Variants in FOXK1 observed in about 807,000 individuals in gnomAD.
FOXK1 encodes the protein forkhead box protein K1.
FOXK1 carries 19 observed loss-of-function variants against 51.9 expected under a neutral mutation model. That is an observed-to-expected ratio of 0.37 (90% CI 0.26 to 0.54). The LOEUF (loss-of-function observed/expected upper bound fraction) is 0.54, where lower values mean the gene tolerates loss of function less well. Among genes scored for constraint, FOXK1 ranks in the 20% least tolerant of loss-of-function variants. The pLI is 0.87. For missense variants in FOXK1, 870 were observed against 1,032.7 expected (o/e 0.84, Z 2.16); for synonymous variants, 537 against 482.6 (o/e 1.11, Z -1.48).
chr7:4,702,075 A>C (rs1051331362), intron 1 of FOXK1, among the ~76,000 whole-genome samples: 2 of 151,868 alleles, frequency 1.3e-5, no homozygotes, highest in Non-Finnish European at 1.5e-5. Context: ...ACCCTGTCTC[A>C]AAAAAAACCC....
chr7:4,746,282 TTTA>T (rs1780701063), intron 2 of FOXK1, among the ~76,000 whole-genome samples: 1 of 152,202 alleles, frequency 6.6e-6, no homozygotes, highest in Non-Finnish European at 1.5e-5. Flanking sequence ...CCTAACTTGG[TTTA>T]TGTTGTTTTG....
chr7:4,694,077 G>A (rs1311948942), intron 1 of FOXK1, among the ~76,000 whole-genome samples: 1 of 150,032 alleles, frequency 6.7e-6, no homozygotes, highest in Non-Finnish European at 1.5e-5. Context: ...ATAGAGACCA[G>A]TGTCTCACTA....
At chr7:4,692,509 C>G (rs1779905521) in intron 1 of FOXK1, among the ~76,000 whole-genome samples, 1 of 152,180 alleles carries the variant, frequency 6.6e-6, no homozygotes, top group Non-Finnish European at 1.5e-5. Flanking sequence ...AATTCTCCTG[C>G]CTCAGCCTCC....
rs994549236 is a variant in FOXK1, at chr7:4,761,865, G to A, written c.1922-319G>A. Reference sequence around the variant, plus strand: ...CGGGGGTGCAGGGTACCAGGGCACCGGGCGCATTGTCAGTGGGGTGGCTCA... The same window carrying A: ...CGGGGGTGCAGGGTACCAGGGCACCAGGCGCATTGTCAGTGGGGTGGCTCA... On this transcript the variant is annotated intron_variant, in intron 8 of 8. Transcript: ENST00000328914. The surrounding 1 kb of genome is among the most constrained non-coding windows in gnomAD (Gnocchi z 6.2). 9.9e-5 allele frequency among the ~76,000 whole-genome samples: 15 copies of A among 152,018 alleles called. No individual in the cohort carries two copies. Among genetic ancestry groups the A allele is most frequent in the African/African-American group, 2.9e-4 (12 of 41,366 alleles).
chr7:4,706,004 GTATA>G (rs1346149426), intron 1 of FOXK1, among the ~76,000 whole-genome samples: 1 of 97,294 alleles, frequency 1.0e-5, no homozygotes, highest in Non-Finnish European at 1.8e-5. Context: ...GTATATATAC[GTATA>G]TATACGTATA....
intron 1 of FOXK1, among the ~76,000 whole-genome samples, chr7:4,689,170 G>T (rs1377747354): frequency 6.6e-6 from 1 of 151,992 alleles, no homozygotes; most frequent in Non-Finnish European, 1.5e-5. Context: ...TAGAGAGGGG[G>T]TTTCGCCGTG....
chr7:4,705,369 A>G (rs956622626), intron 1 of FOXK1, among the ~76,000 whole-genome samples: 6 of 151,424 alleles, frequency 4.0e-5, no homozygotes, highest in African/African-American at 2.4e-5. Flanking sequence ...TTTTGTAAAG[A>G]CAGGGTCTTG....
intron 1 of FOXK1, among the ~76,000 whole-genome samples, 155 bp from the exon 2 acceptor site, chr7:4,740,683 A>C (rs1281523470): frequency 1.3e-5 from 2 of 152,176 alleles, no homozygotes; most frequent in Non-Finnish European, 2.9e-5. Flanking sequence ...TCAGTTCCTA[A>C]GTGTCCTGAT....
At chr7:4,690,609 G>A (rs1453430158) in intron 1 of FOXK1, among the ~76,000 whole-genome samples, 3 of 152,352 alleles carry the variant, frequency 2.0e-5, no homozygotes, top group East Asian at 3.9e-4. Flanking sequence ...GGGTGTTGTC[G>A]TGTAGTATTA....
chr7:4,702,545 A>G (rs569921782), intron 1 of FOXK1, among the ~76,000 whole-genome samples: 22 of 152,222 alleles, frequency 1.4e-4, no homozygotes, highest in East Asian at 7.7e-4. Flanking sequence ...GGGTTTCACC[A>G]TGTTGGCCAG....
Position 4,747,481 on chromosome 7 carries a change from T to TA in FOXK1, c.746+6461dup, listed in dbSNP as rs1471488715. Among the ~76,000 whole-genome samples the TA allele has an allele frequency of 6.6e-6, 1 of 152,244 alleles. No individual in the cohort carries two copies. Among genetic ancestry groups the TA allele is most frequent in the Non-Finnish European group, 1.5e-5 (1 of 68,038 alleles). Reference sequence around the variant, plus strand: ...TCAGAAACAAGTTAATTTTATTTTCTAAATTATTATTTTTAATGCTGGTTC... The same window carrying TA: ...TCAGAAACAAGTTAATTTTATTTTCTAAAATTATTATTTTTAATGCTGGTTC... On this transcript the variant is annotated intron_variant, in intron 2 of 8. Transcript: ENST00000328914. This position sits in a 1 kb window ranked among gnomAD's most constrained non-coding sequence, Gnocchi z 9.2.
At chr7:4,712,961 G>A (rs1438947412) in intron 1 of FOXK1, among the ~76,000 whole-genome samples, 3 of 152,106 alleles carry the variant, frequency 2.0e-5, no homozygotes, top group Admixed American at 6.5e-5. Context: ...CTCCAAACGA[G>A]ATTTCATTTT....
At chr7:4,716,234 A>C (rs1780232968) in intron 1 of FOXK1, among the ~76,000 whole-genome samples, 1 of 151,706 alleles carries the variant, frequency 6.6e-6, no homozygotes, top group Non-Finnish European at 1.5e-5. Flanking sequence ...TATCTACAAA[A>C]AAAAAAAAAA....
In FOXK1 at chr7:4,709,269, T is replaced by C. The variant is rs1398716756; in HGVS notation, c.560+26401T>C. Among the ~76,000 whole-genome samples, 1 of 151,994 alleles carries C rather than the reference T, an allele frequency of 6.6e-6. No individual in the cohort carries two copies. The highest frequency in any genetic ancestry group is 2.4e-5 in the African/African-American group (1 of 41,404). On this transcript the variant is annotated intron_variant, in intron 1 of 8. Transcript: ENST00000328914. The surrounding 1 kb of genome is among the most constrained non-coding windows in gnomAD (Gnocchi z 5.6). ...GTCATCCCGAGAATCCCACTGCATG[T>C]TTTGGATCTGTCCGGGATCCCTCCT...
In FOXK1 at chr7:4,734,895, G is replaced by A. The variant is rs993675223; in HGVS notation, c.561-5943G>A. ...CGAGGGGACAGCGGTGGACAGGAGC[G>A]ATCTGTCACATTCATTTTAAAAATC... On this transcript the variant is annotated intron_variant, in intron 1 of 8. Transcript: ENST00000328914. The surrounding 1 kb of genome is among the most constrained non-coding windows in gnomAD (Gnocchi z 5.2). Among the ~76,000 whole-genome samples the A allele has an allele frequency of 3.9e-5, 6 of 152,144 alleles. No individual in the cohort carries two copies. The highest frequency in any genetic ancestry group is 2.1e-4 in the South Asian group (1 of 4,830).
intron 2 of FOXK1, among the ~76,000 whole-genome samples, chr7:4,742,979 C>T (rs771733832): frequency 2.6e-5 from 4 of 152,196 alleles, no homozygotes; most frequent in Non-Finnish European, 4.4e-5. Flanking sequence ...GCCCCGGGCT[C>T]AGGCCGGGCA....
chr7:4,683,323 C>T lies in FOXK1; in HGVS notation c.560+455C>T, dbSNP rs998677046. Among the ~76,000 whole-genome samples the T allele has an allele frequency of 2.0e-5, 3 of 152,034 alleles. No individual in the cohort carries two copies. Among genetic ancestry groups the T allele is most frequent in the African/African-American group, 7.2e-5 (3 of 41,396 alleles). ...GCTCCCCAGCTCCCATCGGCCTGGA[C>T]TCCGGGGTCATTCTGAACTCCCACT... On this transcript the variant is annotated intron_variant, in intron 1 of 8. Transcript: ENST00000328914. This position sits in a 1 kb window ranked among gnomAD's most constrained non-coding sequence, Gnocchi z 4.5.
intron 1 of FOXK1, among the ~76,000 whole-genome samples, chr7:4,693,040 A>T (rs918732651): frequency 1.3e-5 from 2 of 152,122 alleles, no homozygotes; most frequent in Admixed American, 1.3e-4. Context: ...ATCCTCTGCT[A>T]TAATATCCGT....
chr7:4,749,465 TCCC>T lies in FOXK1; in HGVS notation c.747-4991_747-4989del, dbSNP rs1780747470. ...CAAGCGTCCTCCTCTGCAGGGAGGTTCCCCCAGGAGGCTTCAGGTGCCGCCTTG... is the reference window on the plus strand; with the variant it reads ...CAAGCGTCCTCCTCTGCAGGGAGGTTCCAGGAGGCTTCAGGTGCCGCCTTG... On this transcript the variant is annotated intron_variant, in intron 2 of 8. Transcript: ENST00000328914. This position sits in a 1 kb window ranked among gnomAD's most constrained non-coding sequence, Gnocchi z 6.0. Among the ~76,000 whole-genome samples, 1 of 152,120 alleles carries T rather than the reference TCCC, an allele frequency of 6.6e-6. No individual in the cohort carries two copies. Among genetic ancestry groups the T allele is most frequent in the South Asian group, 2.1e-4 (1 of 4,834 alleles).
Sources: allele counts gnomAD v4.1 joint callset (sites outside exome capture counted in the v4.1 genomes callset), GRCh38; gene constraint gnomAD v4.1.1; non-coding constraint Gnocchi (gnomAD v3.1); transcripts MANE v1.5; gene names NCBI Gene and HGNC (gene_info 2026-07-23, HGNC 2026-07-21).